SCN9A: variants seen among roughly 807,000 people sequenced by gnomAD.
The protein encoded by SCN9A is sodium channel protein type 9 subunit alpha.
In SCN9A, 131 loss-of-function variants were observed where a neutral mutation model predicts 187.0. The ratio of observed to expected loss-of-function variants is 0.70; its 90% CI spans 0.61 to 0.81. The LOEUF is 0.81. SCN9A is among the 30% of genes least tolerant of loss of function. The probability of loss-of-function intolerance (pLI) is 0.00; values close to 1 mark genes in which losing one functional copy is unlikely to be tolerated. For missense variants in SCN9A, 2,252 were observed against 2,396.6 expected, an observed-to-expected ratio of 0.94 and a Z score of 1.26; for synonymous variants, 809 against 808.6, an observed-to-expected ratio of 1.00 and a Z score of -0.01.
Position 166,199,686 on chromosome 2 carries a change from G to A in SCN9A, c.4953C>T (p.Leu1651=), listed in dbSNP as rs776545037. The A allele has an allele frequency of 6.2e-7, 1 of 1,614,126 alleles. No homozygotes were observed. Among genetic ancestry groups the A allele is most frequent in the Non-Finnish European group, 8.5e-7 (1 of 1,180,028 alleles). ...LPALFNIGLL[L]FLVMFIYAIF... is the part of the protein sequence containing the mutation. ...TGGCGTAGATGAACATGACCAGGAA[G>A]AGCAGGAGGCCGATGTTAAACAACG... Residue 1651 remains leucine, a synonymous_variant, in exon 27 of 27, where the codon CTC becomes CTT. Transcript: ENST00000642356.
chr2:166,286,831 T>C (rs1697771863), intron 10 of SCN9A, among the ~76,000 whole-genome samples: 1 of 152,188 alleles, frequency 6.6e-6, no homozygotes, highest in South Asian at 2.1e-4. Context: ...TAAAGCTCTA[T>C]TGTATTTTAG....
chr2:166,230,036 C>G lies in SCN9A; in HGVS notation c.3925-1064G>C, dbSNP rs1438730802. ...GAGAAATACTAAGGATCTCTGACTA[C>G]TAATCAGATCATCTAGGGAGAAGGT... is the stretch of plus-strand genomic sequence containing the variant. On this transcript the variant is annotated intron_variant, in intron 21 of 26. Transcript: ENST00000642356. 2.6e-5 allele frequency among the ~76,000 whole-genome samples: 4 copies of G among 152,250 alleles called. No homozygotes were observed. In the East Asian group the frequency reaches 7.7e-4, roughly 29 times the overall value.
At chr2:166,222,864 G>A (rs1171041683) in intron 24 of SCN9A, among the ~76,000 whole-genome samples, 2 of 135,116 alleles carry the variant, frequency 1.5e-5, no homozygotes, top group Non-Finnish European at 3.1e-5. Flanking sequence ...CCGGGAGGCG[G>A]AGCTTGCAGT....
intron 18 of SCN9A, among the ~76,000 whole-genome samples, chr2:166,244,920 A>G (rs942491502): frequency 6.6e-5 from 10 of 152,134 alleles, no homozygotes; most frequent in Admixed American, 3.3e-4. Flanking sequence ...GGAAATGCCA[A>G]TAAAACAGAT....
chr2:166,269,981 TC>T, intron 17 of SCN9A, among the ~76,000 whole-genome samples: 1 of 152,028 alleles, frequency 6.6e-6, no homozygotes, highest in East Asian at 1.9e-4. Flanking sequence ...TGAGTTAGTT[TC>T]CCTTTCCATA....
At chr2:166,259,537 T>A (rs1422649899) in intron 17 of SCN9A, among the ~76,000 whole-genome samples, 1 of 151,780 alleles carries the variant, frequency 6.6e-6, no homozygotes, top group Non-Finnish European at 1.5e-5. Flanking sequence ...TATTTAAAAA[T>A]TGAATTTAAA....
chr2:166,244,385 C>G (rs1280329321), intron 18 of SCN9A, among the ~76,000 whole-genome samples: 1 of 151,998 alleles, frequency 6.6e-6, no homozygotes, highest in Non-Finnish European at 1.5e-5. Context: ...CATACCAATT[C>G]TTGTTGTTAA....
chr2:166,345,974 T>A (rs887591949), intron 1 of SCN9A, among the ~76,000 whole-genome samples: 2 of 152,152 alleles, frequency 1.3e-5, no homozygotes, highest in Admixed American at 1.3e-4. Context: ...TATTCTGCAC[T>A]AAAATGGCTA....
intron 26 of SCN9A, among the ~76,000 whole-genome samples, chr2:166,200,162 TA>T (rs1422839214): frequency 6.7e-6 from 1 of 148,654 alleles, no homozygotes; most frequent in Non-Finnish European, 1.5e-5. Flanking sequence ...CACGCCCGGC[TA>T]ATTTTTTGTA....
chr2:166,200,507 T>C (rs532680085), intron 26 of SCN9A, among the ~76,000 whole-genome samples: 1 of 152,132 alleles, frequency 6.6e-6, no homozygotes, highest in African/African-American at 2.4e-5. Context: ...AAAGAAAATA[T>C]AAATCACCTG....
intron 17 of SCN9A, among the ~76,000 whole-genome samples, chr2:166,255,954 A>G (rs189545463): frequency 6.6e-4 from 100 of 151,612 alleles, no homozygotes; most frequent in African/African-American, 2.4e-3. Flanking sequence ...GTCAATATCT[A>G]TAATTGTGTT....
intron 1 of SCN9A, among the ~76,000 whole-genome samples, chr2:166,316,983 C>T (rs1484966261): frequency 1.3e-5 from 2 of 151,720 alleles, no homozygotes; most frequent in African/African-American, 4.8e-5. Flanking sequence ...CGTTCAAAGA[C>T]TATTTAATGA....
chr2:166,204,524 T>C (rs1158151314), intron 24 of SCN9A, 60 bp from the exon 25 acceptor site: 4 of 1,047,980 alleles, frequency 3.8e-6, no homozygotes, highest in African/African-American at 3.2e-5. Context: ...TACATCTTTC[T>C]ATAGATTACT....
At position 166,227,694 on chromosome 2, in the gene SCN9A, CATA is replaced by C; in HGVS notation, c.4233_4235del (p.Ile1411del). ...CATTAACAGAATCCACTGCTGCATA[CATA>C]ATAATCGTCCATCCCTTAAAAGTTG... is the stretch of plus-strand genomic sequence containing the variant. On this transcript the variant is annotated inframe_deletion, in exon 23 of 27. Coordinates refer to ENST00000642356, the MANE Select transcript of SCN9A (RefSeq NM_001365536.1). 6.6e-7 allele frequency: 1 copy of C among 1,523,592 alleles called. No homozygotes were observed. The highest frequency in any genetic ancestry group is 8.9e-7 in the Non-Finnish European group (1 of 1,118,134). 94.4% of individuals were successfully genotyped at this position (1,523,592 alleles called of 1,614,324 possible).
chr2:166,298,469 G>A (rs1249719699), intron 7 of SCN9A, among the ~76,000 whole-genome samples: 2 of 152,216 alleles, frequency 1.3e-5, no homozygotes, highest in Non-Finnish European at 2.9e-5. Flanking sequence ...TTTTCAGCAG[G>A]AGGTGAGACA....
intron 2 of SCN9A, 25 bp downstream of exon 2, chr2:166,311,474 A>G (rs199848155): frequency 1.3e-5 from 19 of 1,482,388 alleles, no homozygotes; most frequent in Non-Finnish European, 1.6e-5. Context: ...ACAGAAACTG[A>G]CCACTGAAGT....
intron 1 of SCN9A, among the ~76,000 whole-genome samples, chr2:166,361,506 A>G (rs1652193836): frequency 6.6e-6 from 1 of 152,098 alleles, no homozygotes; most frequent in African/African-American, 2.4e-5. Context: ...TTCAGTGTCT[A>G]CAGGATGTGG....
intron 17 of SCN9A, among the ~76,000 whole-genome samples, chr2:166,258,715 A>C (rs1048453340): frequency 6.6e-6 from 1 of 151,692 alleles, no homozygotes; most frequent in Non-Finnish European, 1.5e-5. Context: ...AGAATTATTA[A>C]ATACAAAGCT....
At chr2:166,228,247 C>CTTTTTTTTTTTTT (rs33924683) in intron 22 of SCN9A, among the ~76,000 whole-genome samples, 3 of 85,972 alleles carry the variant, frequency 3.5e-5, no homozygotes, top group African/African-American at 1.4e-4. Context: ...AAGACCAACA[C>CTTTTTTTTTTTTT]TTTTTTTTTT....
Sources: gnomAD v4.1 joint callset for allele counts (sites outside exome capture counted in the v4.1 genomes callset) on GRCh38, gnomAD v4.1.1 for gene constraint, MANE v1.5 for transcripts, NCBI Gene and HGNC (gene_info 2026-07-23, HGNC 2026-07-21) for gene names.